Variants in SOX5 observed in about 807,000 individuals in gnomAD.
SOX5 encodes the protein SRY-box transcription factor 5.
In SOX5, 9 loss-of-function variants were observed where a neutral mutation model predicts 92.0. The observed-to-expected ratio is 0.10, with a 90% CI of 0.06 to 0.17. The LOEUF (loss-of-function observed/expected upper bound fraction) is 0.17, where lower values mean the gene tolerates loss of function less well. SOX5 is among the 10% of genes least tolerant of loss of function. SOX5 has a pLI of 1.00. For missense variants in SOX5, 642 were observed against 944.5 expected (o/e 0.68, Z 4.20); for synonymous variants, 344 against 336.3 (o/e 1.02, Z -0.25).
chr12:23,621,921 T>C (rs979941941), intron 8 of SOX5, among the ~76,000 whole-genome samples: 8 of 152,150 alleles, frequency 5.3e-5, no homozygotes, highest in African/African-American at 1.9e-4. Context: ...TTCAGATGAC[T>C]GTTTATGAGC....
chr12:23,736,674 C>A (rs1420281044), intron 5 of SOX5, among the ~76,000 whole-genome samples: 2 of 149,080 alleles, frequency 1.3e-5, no homozygotes, highest in Non-Finnish European at 3.0e-5. Flanking sequence ...AAAAAAAACA[C>A]ATTTTGTTCT....
rs146426605 is a variant in SOX5 at position 23,763,607 on chromosome 12, A to G, written c.482-7883T>C. 3.5e-3 allele frequency among the ~76,000 whole-genome samples: 526 copies of G among 152,026 alleles called. 2 individuals carry two copies. Among genetic ancestry groups the G allele is most frequent in the African/African-American group, 0.012 (500 of 41,512 alleles). On this transcript the variant is annotated intron_variant, in intron 3 of 14. Coordinates refer to ENST00000451604, the MANE Select transcript of SOX5 (RefSeq NM_006940.6). Reference sequence around the variant, plus strand: ...CACTTCTATTAAGTTAATGTATAAAACGCCCGTAAACAGCACAAATACAAA... The same window carrying G: ...CACTTCTATTAAGTTAATGTATAAAGCGCCCGTAAACAGCACAAATACAAA...
At chr12:24,397,847 AT>A in intron 1 of SOX5, among the ~76,000 whole-genome samples, 2 of 151,280 alleles carry the variant, frequency 1.3e-5, no homozygotes, top group South Asian at 2.1e-4. Flanking sequence ...TTATTATTTA[AT>A]TTATTTATTT....
intron 1 of SOX5, among the ~76,000 whole-genome samples, chr12:23,902,515 GC>G (rs1404497078): frequency 6.6e-6 from 1 of 152,010 alleles, no homozygotes; most frequent in Admixed American, 6.5e-5. Flanking sequence ...TACCACCATG[GC>G]AGAAGCAACA....
intron 8 of SOX5, among the ~76,000 whole-genome samples, chr12:23,628,972 T>C (rs749710083): frequency 5.3e-5 from 8 of 152,042 alleles, no homozygotes; most frequent in Non-Finnish European, 1.2e-4. Flanking sequence ...TGCATGATTA[T>C]ATAATCATTT....
At chr12:24,234,119 G>A (rs772853872) in intron 3 of SOX5, among the ~76,000 whole-genome samples, 1 of 152,090 alleles carries the variant, frequency 6.6e-6, no homozygotes, top group Non-Finnish European at 1.5e-5. Flanking sequence ...TGTGTGCTTG[G>A]GAAAAGAAAG....
At chr12:24,105,341 G>GA (rs1946552075) in intron 4 of SOX5, among the ~76,000 whole-genome samples, 1 of 152,172 alleles carries the variant, frequency 6.6e-6, no homozygotes, top group African/African-American at 2.4e-5. Flanking sequence ...AAGAGTTTGA[G>GA]ACAAGCCTGG....
chr12:24,147,174 A>G (rs1319635380), intron 4 of SOX5, among the ~76,000 whole-genome samples: 1 of 152,202 alleles, frequency 6.6e-6, no homozygotes, highest in African/African-American at 2.4e-5. Context: ...AACATTTTAC[A>G]AGAAAAATGC....
chr12:23,558,137 T>C (rs1303543708), intron 11 of SOX5, among the ~76,000 whole-genome samples: 1 of 152,208 alleles, frequency 6.6e-6, no homozygotes, highest in Non-Finnish European at 1.5e-5. Context: ...CAATCGCCTG[T>C]TCCTACCCAG....
intron 6 of SOX5, among the ~76,000 whole-genome samples, chr12:23,687,986 T>C (rs529632349): frequency 6.6e-6 from 1 of 152,046 alleles, no homozygotes; most frequent in Non-Finnish European, 1.5e-5. Context: ...GACAATAGTA[T>C]TGGTTCCATC....
rs1468918194 is a variant in SOX5 at position 23,532,047 on chromosome 12, GAAATA to G, written c.*2167_*2171del. 6.6e-6 allele frequency: 1 copy of G among 150,754 alleles called. No homozygotes were observed. The allele number at this position is 150,754 out of a possible 1,614,324, so 9.3% of individuals were successfully genotyped here. ...CAGAGCAGAATAAAATAGAAAGGGA[GAAATA>G]AAATAAATTATACATAACTTACTAA... On this transcript the variant is annotated 3_prime_UTR_variant, in exon 15 of 15. Coordinates refer to ENST00000451604, the MANE Select transcript of SOX5 (RefSeq NM_006940.6).
At chr12:24,085,956 TAAA>T (rs144400872) in intron 4 of SOX5, among the ~76,000 whole-genome samples, 195 of 138,472 alleles carry the variant, frequency 1.4e-3, no homozygotes, top group Admixed American at 4.7e-3. Flanking sequence ...ACGGATATGC[TAAA>T]AAAAAAAAAA....
chr12:24,086,165 T>C (rs1943969399), intron 4 of SOX5, among the ~76,000 whole-genome samples: 1 of 151,972 alleles, frequency 6.6e-6, no homozygotes, highest in Non-Finnish European at 1.5e-5. Context: ...AAACACAATT[T>C]GGCTGTTAAG....
intron 2 of SOX5, among the ~76,000 whole-genome samples, chr12:24,349,448 C>T (rs1037840378): frequency 6.6e-6 from 1 of 152,180 alleles, no homozygotes; most frequent in Non-Finnish European, 1.5e-5. Flanking sequence ...CTCCCTCCAC[C>T]CCCTGGCAAC....
At chr12:23,558,131 C>T (rs972929634) in intron 11 of SOX5, among the ~76,000 whole-genome samples, 19 of 152,298 alleles carry the variant, frequency 1.2e-4, no homozygotes, top group East Asian at 1.9e-4. Context: ...GGCTGACAAT[C>T]GCCTGTTCCT....
At chr12:24,369,070 T>C (rs887448887) in intron 1 of SOX5, among the ~76,000 whole-genome samples, 1 of 152,186 alleles carries the variant, frequency 6.6e-6, no homozygotes, top group African/African-American at 2.4e-5. Context: ...AATAATGTTG[T>C]TCAAAGGTTT....
At chr12:24,022,408 A>T (rs533398506) in intron 4 of SOX5, among the ~76,000 whole-genome samples, 1 of 152,180 alleles carries the variant, frequency 6.6e-6, no homozygotes, top group African/African-American at 2.4e-5. Flanking sequence ...AAGAGGTAGG[A>T]CCCTAGAACA....
At position 24,352,804 on chromosome 12, in the gene SOX5, G is replaced by T. The variant is rs370387693; in HGVS notation, c.-174+15759C>A. Among the ~76,000 whole-genome samples, 6 of 152,198 alleles carry T rather than the reference G, an allele frequency of 3.9e-5. 1 individual carries two copies. The highest frequency in any genetic ancestry group is 1.3e-4 in the Admixed American group (2 of 15,300). ...TGTGGCCAGTCCTTCTCAAACAGCT[G>T]CCCCTTGGCCATGCTTCAGCCTAGA... On this transcript the variant is annotated intron_variant, in intron 2 of 4. Coordinates refer to the SOX5 transcript ENST00000446891.
At chr12:24,049,233 G>A (rs1957320069) in intron 4 of SOX5, among the ~76,000 whole-genome samples, 1 of 152,120 alleles carries the variant, frequency 6.6e-6, no homozygotes, top group Non-Finnish European at 1.5e-5. Context: ...GTTAGGTCAA[G>A]GTAGACTTCT....
Sources: allele counts gnomAD v4.1 joint callset (sites outside exome capture counted in the v4.1 genomes callset), GRCh38; gene constraint gnomAD v4.1.1; transcripts MANE v1.5; gene names NCBI Gene and HGNC (gene_info 2026-07-23, HGNC 2026-07-21).